DTL: variants seen among roughly 807,000 people sequenced by gnomAD.
The protein encoded by DTL is denticleless E3 ubiquitin protein ligase adapter.
Under a neutral mutation model 87.0 loss-of-function variants are expected in DTL, and 46 were observed. The observed-to-expected ratio is 0.53, with a 90% CI of 0.42 to 0.68. The LOEUF (loss-of-function observed/expected upper bound fraction) is 0.68, where lower values mean the gene tolerates loss of function less well. DTL is among the 30% of genes least tolerant of loss of function. The pLI is 0.00. For synonymous variants in DTL, 308 were observed against 311.2 expected, an observed-to-expected ratio of 0.99 and a Z score of 0.11; for missense variants, 737 against 869.4, an observed-to-expected ratio of 0.85 and a Z score of 1.91.
At chr1:212,059,875 AC>A (rs1185934527) in intron 5 of DTL, among the ~76,000 whole-genome samples, 2 of 151,942 alleles carry the variant, frequency 1.3e-5, no homozygotes, top group Non-Finnish European at 2.9e-5. Context: ...GCATTTCTAT[AC>A]ATCAATAATG....
chr1:212,079,213 CCT>C (rs1654922756), intron 12 of DTL, among the ~76,000 whole-genome samples: 1 of 151,590 alleles, frequency 6.6e-6, no homozygotes, highest in Non-Finnish European at 1.5e-5. Context: ...GATATTTTTT[CCT>C]CTGAGATTCC....
In DTL at chr1:212,044,554, A is replaced by G. The variant is rs986511188; in HGVS notation, c.179-106A>G. ...AGGAGGTGGAGGTTGCAGTGAGCCA[A>G]ACTGCACTATTGCACTCCAGTCTGG... On this transcript the variant is annotated intron_variant, in intron 2 of 14. Coordinates refer to ENST00000366991, the MANE Select transcript of DTL (RefSeq NM_016448.4). The G allele has an allele frequency of 1.6e-5, 10 of 640,174 alleles. 1 individual carries two copies. Among genetic ancestry groups the G allele is most frequent in the Middle Eastern group, 8.6e-4 (2 of 2,314 alleles). The allele number at this position is 640,174 out of a possible 1,614,324, so 39.7% of individuals were successfully genotyped here.
chr1:212,064,468 T>G (rs1188903677), intron 6 of DTL, among the ~76,000 whole-genome samples: 1 of 152,220 alleles, frequency 6.6e-6, no homozygotes, highest in African/African-American at 2.4e-5. Context: ...GCGTCCACCA[T>G]TGTAGCATCA....
chr1:212,078,087 C>T, intron 11 of DTL, 86 bp from the exon 12 acceptor site: 1 of 820,118 alleles, frequency 1.2e-6, no homozygotes, highest in Non-Finnish European at 2.1e-6. Flanking sequence ...TCCTAAAGCT[C>T]TCTAAGACAC....
intron 13 of DTL, among the ~76,000 whole-genome samples, chr1:212,088,945 G>T (rs1463548776): frequency 1.3e-5 from 2 of 152,176 alleles, no homozygotes; most frequent in African/African-American, 2.4e-5. Flanking sequence ...AATTAGCTAG[G>T]CATGGTGGCA....
At chr1:212,095,943 G>A (rs1008660656) in intron 13 of DTL, among the ~76,000 whole-genome samples, 3 of 152,108 alleles carry the variant, frequency 2.0e-5, no homozygotes, top group African/African-American at 4.8e-5. Flanking sequence ...CAGTAAGATT[G>A]GTACCAGTTC....
At chr1:212,051,327 T>G (rs1403320917) in intron 5 of DTL, among the ~76,000 whole-genome samples, 1 of 152,086 alleles carries the variant, frequency 6.6e-6, no homozygotes, top group African/African-American at 2.4e-5. Context: ...ACAACGTATT[T>G]AACTTTTCTT....
rs140634631 is a variant in DTL at position 212,065,004 on chromosome 1, A to G, written c.614A>G (p.Asn205Ser). 1.9e-6 allele frequency: 3 copies of G among 1,613,822 alleles called. No homozygotes were observed. Among genetic ancestry groups the G allele is most frequent in the African/African-American group, 1.3e-5 (1 of 74,912 alleles). The change falls in exon 7 of 15, where the codon AAT becomes AGT. Residue 205 changes from asparagine (N) to serine (S), a missense_variant. Transcript: ENST00000366991. ...QTPSKPKKKQ[N>S]SKGLAPSVDF... ...CCTTCAAAACCCAAGAAGAAACAGAATTCAAAAGGACTTGCTCCTTCTGTG... is the reference window on the plus strand; with the variant it reads ...CCTTCAAAACCCAAGAAGAAACAGAGTTCAAAAGGACTTGCTCCTTCTGTG...
At position 212,043,254 on chromosome 1, in the gene DTL, T is replaced by C. The variant is rs751741224; in HGVS notation, c.178+136T>C. On this transcript the variant is annotated intron_variant, in intron 2 of 14. Coordinates refer to ENST00000366991, the MANE Select transcript of DTL (RefSeq NM_016448.4). ...GTTAGAGTTTTTGTAAAAACTGTTA[T>C]CTTCTGATTTATAAAATAGACTTTT... The C allele has an allele frequency of 2.7e-4, 216 of 804,232 alleles. 2 individuals carry two copies. The South Asian group carries it at 2.8e-3, about 10-fold the overall frequency. The allele number at this position is 804,232 out of a possible 1,614,324, so 49.8% of individuals were successfully genotyped here. A position where few individuals can be genotyped will look rare whatever the true frequency, so the allele number is the denominator to read the frequency against.
At chr1:212,085,274 G>T (rs1655100196) in intron 13 of DTL, among the ~76,000 whole-genome samples, 1 of 152,038 alleles carries the variant, frequency 6.6e-6, no homozygotes, top group African/African-American at 2.4e-5. Context: ...CTAAAATGAG[G>T]GTTCCAATTT....
rs901720264 is a variant in DTL at position 212,104,545 on chromosome 1, C to A, written c.*1605C>A. The A allele has an allele frequency of 6.6e-6, 1 of 151,646 alleles. No individual in the cohort carries two copies. The highest frequency in any genetic ancestry group is 2.4e-5 in the African/African-American group (1 of 41,254). The allele number at this position is 151,646 out of a possible 1,614,324, so 9.4% of individuals were successfully genotyped here. On this transcript the variant is annotated 3_prime_UTR_variant, in exon 15 of 15. Coordinates refer to ENST00000366991, the MANE Select transcript of DTL (RefSeq NM_016448.4). ...ATTTATGACCAATATCTGCCAGTAA[C>A]GCTGTTTATCTCACTTGCTTTGAAA... is the stretch of plus-strand genomic sequence containing the variant.
rs1254660881 is a variant in DTL, at chr1:212,068,689, T to G, written c.908T>G (p.Leu303Trp). Residue 303 changes from leucine (L) to tryptophan (W), a missense_variant, in exon 10 of 15, where the codon TTG (leucine) becomes TGG (tryptophan). Leu to Trp is a moderately conservative substitution (Grantham distance 61). Transcript: ENST00000366991. ...ATCTACATGTTTAATATGACTGGGT[T>G]GAAGACTTCTCCAGGTAAGATATTA... ...DNIYMFNMTG[L>W]KTSPVAIFNG... 2 of 1,603,816 alleles carry G rather than the reference T, an allele frequency of 1.2e-6. No homozygotes were observed. The highest frequency in any genetic ancestry group is 1.7e-5 in the Admixed American group (1 of 59,764).
At chr1:212,079,542 A>C (rs1419592772) in intron 12 of DTL, among the ~76,000 whole-genome samples, 3 of 152,158 alleles carry the variant, frequency 2.0e-5, no homozygotes, top group African/African-American at 4.8e-5. Context: ...TTGGAATAGG[A>C]GAAAGCTGGG....
intron 1 of DTL, among the ~76,000 whole-genome samples, chr1:212,041,731 C>T (rs535945474): frequency 2.2e-4 from 34 of 152,050 alleles, no homozygotes; most frequent in Non-Finnish European, 4.4e-4. Flanking sequence ...AGGATGGTCT[C>T]GATCTCCTGA....
chr1:212,070,193 G>T (rs1167234431), intron 10 of DTL, among the ~76,000 whole-genome samples: 1 of 152,154 alleles, frequency 6.6e-6, no homozygotes, highest in East Asian at 1.9e-4. Flanking sequence ...CACTGAAAAG[G>T]TCCTTGAGTT....
intron 11 of DTL, among the ~76,000 whole-genome samples, chr1:212,073,660 A>G (rs183332517): frequency 6.6e-6 from 1 of 152,136 alleles, no homozygotes; most frequent in Non-Finnish European, 1.5e-5. Context: ...CAATATCCTA[A>G]ATAGTCACAG....
intron 5 of DTL, among the ~76,000 whole-genome samples, chr1:212,057,124 A>G (rs1288817673): frequency 6.6e-6 from 1 of 152,140 alleles, no homozygotes; most frequent in Non-Finnish European, 1.5e-5. Context: ...CAAGGGATTT[A>G]TATATCCACA....
chr1:212,083,015 A>G (rs1003706006), intron 13 of DTL, among the ~76,000 whole-genome samples: 8 of 152,216 alleles, frequency 5.3e-5, no homozygotes, highest in Non-Finnish European at 8.8e-5. Flanking sequence ...AAAGAGGATG[A>G]TTATGACTAT....
chr1:212,079,621 T>A (rs776119399), intron 12 of DTL, among the ~76,000 whole-genome samples: 1 of 152,172 alleles, frequency 6.6e-6, no homozygotes, highest in Non-Finnish European at 1.5e-5. Flanking sequence ...ATTTTGCATA[T>A]GAGATTATTT....
Sources: allele counts gnomAD v4.1 joint callset (sites outside exome capture counted in the v4.1 genomes callset), GRCh38; gene constraint gnomAD v4.1.1; transcripts MANE v1.5; gene names NCBI Gene and HGNC (gene_info 2026-07-23, HGNC 2026-07-21).